DPYD: variants seen among roughly 807,000 people sequenced by gnomAD.
DPYD encodes the protein dihydropyrimidine dehydrogenase.
In DPYD, 109 loss-of-function variants were observed where a neutral mutation model predicts 116.2. The observed-to-expected ratio is 0.94, with a 90% confidence interval of 0.80 to 1.10. The LOEUF is 1.10. DPYD is among the 50% of genes least tolerant of loss of function. The probability of loss-of-function intolerance (pLI) is 0.00; values close to 1 mark genes in which losing one functional copy is unlikely to be tolerated. For synonymous variants in DPYD, 440 were observed against 432.0 expected (o/e 1.02, Z -0.23); for missense variants, 1,302 against 1,254.5 (o/e 1.04, Z -0.57).
intron 12 of DPYD, among the ~76,000 whole-genome samples, chr1:97,543,692 TTATCA>T (rs72129825): frequency 0.09 from 13,706 of 152,204 alleles, 671 homozygotes; most frequent in Non-Finnish European, 0.11. Flanking sequence ...GCTAATGAAC[TTATCA>T]TATAACAAAC....
chr1:97,550,179 A>G (rs1651214331), intron 11 of DPYD, among the ~76,000 whole-genome samples: 1 of 152,196 alleles, frequency 6.6e-6, no homozygotes, highest in African/African-American at 2.4e-5. Context: ...ATTCAGGTCA[A>G]TGGCTAATCT....
At chr1:97,919,677 C>T (rs1571586300) in intron 1 of DPYD, among the ~76,000 whole-genome samples, 1 of 152,148 alleles carries the variant, frequency 6.6e-6, no homozygotes, top group Admixed American at 6.5e-5. Context: ...ATCTATTATC[C>T]TGCACACAGA....
intron 18 of DPYD, among the ~76,000 whole-genome samples, chr1:97,256,454 C>T (rs1193008342): frequency 6.6e-6 from 1 of 152,032 alleles, no homozygotes; most frequent in African/African-American, 2.4e-5. Flanking sequence ...CTTTCTCATG[C>T]TCTTCTCATG....
chr1:97,897,122 A>G (rs941400703), intron 1 of DPYD, among the ~76,000 whole-genome samples: 1 of 151,866 alleles, frequency 6.6e-6, no homozygotes, highest in Non-Finnish European at 1.5e-5. Flanking sequence ...CAACTTTTGT[A>G]TGCCTGAAAA....
intron 8 of DPYD, among the ~76,000 whole-genome samples, chr1:97,617,546 C>A (rs1404576133): frequency 6.6e-6 from 1 of 152,082 alleles, no homozygotes; most frequent in Non-Finnish European, 1.5e-5. Context: ...GTGAAAAACA[C>A]CAACATTGAG....
intron 2 of DPYD, among the ~76,000 whole-genome samples, chr1:97,862,481 CT>C (rs1349909398): frequency 2.0e-5 from 3 of 151,760 alleles, no homozygotes; most frequent in African/African-American, 7.3e-5. Flanking sequence ...CAAAAGATAC[CT>C]CTTTGGAGAC....
chr1:97,116,564 C>T (rs1299217776), intron 20 of DPYD, among the ~76,000 whole-genome samples: 3 of 151,808 alleles, frequency 2.0e-5, no homozygotes, highest in East Asian at 1.9e-4. Context: ...TCCAGCTACT[C>T]GGAAGGCTGA....
intron 16 of DPYD, among the ~76,000 whole-genome samples, chr1:97,336,441 A>G (rs1341279099): frequency 1.3e-5 from 2 of 152,266 alleles, no homozygotes; most frequent in East Asian, 3.9e-4. Flanking sequence ...ATGTACTAAC[A>G]TATTTAAATC....
chr1:97,184,611 T>C (rs766382397), intron 20 of DPYD, among the ~76,000 whole-genome samples: 14 of 152,140 alleles, frequency 9.2e-5, no homozygotes, highest in Non-Finnish European at 1.8e-4. Flanking sequence ...TATATTTTAA[T>C]TTGTTCCTAA....
In DPYD at chr1:97,450,137, A is replaced by G. The variant is rs1214738239; in HGVS notation, c.1827T>C (p.Asn609=). ...MYGPGQSSFL[N]IELISEKTAA... ...CCGTTTTCTCACTGATGAGCTCAAT[A>G]TTCAGAAAGGAGCTTTGTCCAGGGC... The change falls in exon 14 of 23, where the codon AAT becomes AAC. Residue 609 remains asparagine, a synonymous_variant. Transcript: ENST00000370192. 1.2e-6 allele frequency: 2 copies of G among 1,613,966 alleles called. No individual in the cohort carries two copies. Among genetic ancestry groups the G allele is most frequent in the Non-Finnish European group, 1.7e-6 (2 of 1,179,900 alleles).
At chr1:97,832,616 T>C (rs1669591156) in intron 2 of DPYD, among the ~76,000 whole-genome samples, 1 of 152,112 alleles carries the variant, frequency 6.6e-6, no homozygotes, top group South Asian at 2.1e-4. Flanking sequence ...GTGACAAATA[T>C]AATGAGCAAT....
intron 10 of DPYD, among the ~76,000 whole-genome samples, chr1:97,590,641 C>T (rs1654440698): frequency 1.3e-5 from 2 of 152,206 alleles, no homozygotes; most frequent in South Asian, 2.1e-4. Context: ...TTGAGTTCTA[C>T]TAAGCTCTAC....
At chr1:97,120,376 C>T (rs1182713436) in intron 20 of DPYD, among the ~76,000 whole-genome samples, 1 of 152,080 alleles carries the variant, frequency 6.6e-6, no homozygotes, top group Non-Finnish European at 1.5e-5. Flanking sequence ...GCGCCTTTGC[C>T]ACCCATGGGC....
chr1:97,208,038 T>C (rs1659765587), intron 19 of DPYD, among the ~76,000 whole-genome samples: 1 of 152,186 alleles, frequency 6.6e-6, no homozygotes, highest in Non-Finnish European at 1.5e-5. Context: ...GCAAAACCAC[T>C]GCACATGCCC....
intron 13 of DPYD, among the ~76,000 whole-genome samples, chr1:97,483,542 G>A (rs1678441384): frequency 6.6e-6 from 1 of 152,042 alleles, no homozygotes; most frequent in African/African-American, 2.4e-5. Flanking sequence ...GTTAACGCAT[G>A]CTGGGCTTAA....
In DPYD at chr1:97,549,612, T is replaced by A. The variant is rs1264198400; in HGVS notation, c.1472A>T (p.Glu491Val). ...AGCTTGCTTTCCATCATTCACCGAT[T>A]CCACTGTAGTGTTAGCCAAACCAAC... is the stretch of plus-strand genomic sequence containing the variant. ...DVVGLANTTVESVNDGKQASW... is the reference protein window; with the variant it reads ...DVVGLANTTVVSVNDGKQASW... The change falls in exon 12 of 23, where the codon GAA becomes GTA. Residue 491 changes from glutamate to valine, a missense_variant. Glu to Val is a moderately radical substitution (Grantham distance 121). Coordinates refer to ENST00000370192, the MANE Select transcript of DPYD (RefSeq NM_000110.4). The A allele has an allele frequency of 6.2e-7, 1 of 1,613,788 alleles. No homozygotes were observed. The highest frequency in any genetic ancestry group is 1.3e-5 in the African/African-American group (1 of 74,920).
chr1:97,585,677 A>C (rs1654043524), intron 10 of DPYD, among the ~76,000 whole-genome samples: 1 of 152,176 alleles, frequency 6.6e-6, no homozygotes, highest in Non-Finnish European at 1.5e-5. Flanking sequence ...ACATTGACTA[A>C]TGTGTGTTTA....
intron 16 of DPYD, among the ~76,000 whole-genome samples, chr1:97,335,698 C>T (rs1448581076): frequency 6.6e-6 from 1 of 152,134 alleles, no homozygotes; most frequent in Non-Finnish European, 1.5e-5. Flanking sequence ...TCCACTCAGC[C>T]AATTCAACAG....
At chr1:97,290,974 T>A (rs1392721566) in intron 18 of DPYD, among the ~76,000 whole-genome samples, 1 of 151,768 alleles carries the variant, frequency 6.6e-6, no homozygotes, top group Non-Finnish European at 1.5e-5. Flanking sequence ...TACAATGAAC[T>A]CAAACAAATT....
Sources: allele counts gnomAD v4.1 joint callset (sites outside exome capture counted in the v4.1 genomes callset), GRCh38; gene constraint gnomAD v4.1.1; transcripts MANE v1.5; gene names NCBI Gene and HGNC (gene_info 2026-07-23, HGNC 2026-07-21).